CIZ1: variants seen among roughly 807,000 people sequenced by gnomAD.
The protein encoded by CIZ1 is cip1-interacting zinc finger protein.
In CIZ1, 58 loss-of-function variants were observed where a neutral mutation model predicts 118.6. The observed-to-expected ratio is 0.49, with a 90% CI of 0.40 to 0.61. The LOEUF (loss-of-function observed/expected upper bound fraction) is 0.61. CIZ1 is among the 20% of genes least tolerant of loss of function. The pLI is 0.00. For synonymous variants in CIZ1, 448 were observed against 443.4 expected (o/e 1.01, Z -0.13); for missense variants, 921 against 1,115.9 (o/e 0.83, Z 2.49).
intron 10 of CIZ1, 21 bp downstream of exon 10, chr9:128,177,545 C>T: frequency 1.5e-6 from 2 of 1,336,174 alleles, no homozygotes; most frequent in South Asian, 1.6e-5. Context: ...CCCTCCCCAC[C>T]CTTATCTCCT....
At chr9:128,171,797 T>C (rs1474492749) in intron 11 of CIZ1, among the ~76,000 whole-genome samples, 1 of 151,816 alleles carries the variant, frequency 6.6e-6, no homozygotes, top group Non-Finnish European at 1.5e-5. Context: ...AGCAACTATT[T>C]AATCTTGGGT....
At chr9:128,180,852 C>T (rs755369688) in intron 5 of CIZ1, 38 bp from the exon 6 acceptor site, 12 of 1,453,914 alleles carry the variant, frequency 8.3e-6, no homozygotes, top group African/African-American at 5.6e-5. Context: ...ATCCAATACC[C>T]ACCCCTATCA....
At chr9:128,176,953 G>A (rs1024128007) in intron 10 of CIZ1, among the ~76,000 whole-genome samples, 26 of 152,164 alleles carry the variant, frequency 1.7e-4, no homozygotes, top group Non-Finnish European at 3.5e-4. Context: ...TACCCAGGCT[G>A]GAGCACAGTG....
chr9:128,167,834 C>G (rs770377792), intron 14 of CIZ1, among the ~76,000 whole-genome samples: 2 of 152,220 alleles, frequency 1.3e-5, no homozygotes, highest in Admixed American at 1.3e-4. Flanking sequence ...CAACCACCCC[C>G]GTTTGCTAAG....
In CIZ1 at chr9:128,166,354, C is replaced by A; in HGVS notation, c.2540G>T (p.Arg847Leu). 6.4e-7 allele frequency: 1 copy of A among 1,561,506 alleles called. No homozygotes were observed. Among genetic ancestry groups the A allele is most frequent in the East Asian group, 2.4e-5 (1 of 41,976 alleles). Residue 847 changes from arginine (R) to leucine (L), a missense_variant, in exon 17 of 17, where the codon CGG (arginine) becomes CTG (leucine). Transcript: ENST00000372938. This position sits in a 1 kb window ranked among gnomAD's most constrained non-coding sequence, Gnocchi z 4.4. ...AGCGTTCCGGGCGTTGATTGCGCAC[C>A]GGCGGCTCACAGGTCGGGTGGTGGG... ...PSPTTRPVSRRCAINARNALT... is the reference protein window; with the variant it reads ...PSPTTRPVSRLCAINARNALT...
At chr9:128,190,495 C>G in intron 2 of CIZ1, 51 bp from the exon 3 acceptor site, 2 of 1,462,884 alleles carry the variant, frequency 1.4e-6, no homozygotes, top group Non-Finnish European at 1.9e-6. Context: ...TCAGACCTTC[C>G]TTCTTCCCCA....
At chr9:128,190,254 T>C (rs1832961203) in intron 3 of CIZ1, 75 bp downstream of exon 3, 5 of 1,031,200 alleles carry the variant, frequency 4.8e-6, no homozygotes, top group Admixed American at 2.0e-5. Flanking sequence ...CTGTGTGGAG[T>C]TGAGATTTAG....
chr9:128,194,503 A>C (rs1009269042), upstream of CIZ1, among the ~76,000 whole-genome samples: 2 of 151,660 alleles, frequency 1.3e-5, no homozygotes, highest in African/African-American at 4.8e-5. Context: ...ATATTTATAT[A>C]TTTTTTCTTT....
chr9:128,169,131 C>G lies in CIZ1; in HGVS notation c.2216G>C (p.Cys739Ser). 1 of 1,614,204 alleles carries G rather than the reference C, an allele frequency of 6.2e-7. No homozygotes were observed. Among genetic ancestry groups the G allele is most frequent in the South Asian group, 1.1e-5 (1 of 91,082 alleles). Reference protein sequence around the residue: ...DHFITVDAVGCFEGDEEEEED... With the variant: ...DHFITVDAVGSFEGDEEEEED... The stretch of plus-strand genomic sequence containing the variant: ...TTCCTCTTCTTCATCACCCTCGAAG[C>G]AACCCACAGCGTCCACTGTAATGAA... Residue 739 changes from cysteine (C) to serine (S), a missense_variant, in exon 14 of 17, where the codon TGC becomes TCC. By Grantham distance (112) the Cys-to-Ser change is moderately radical. Transcript: ENST00000372938.
intron 3 of CIZ1, 79 bp from the exon 4 acceptor site, chr9:128,188,013 C>CAAACA: frequency 7.6e-6 from 2 of 263,562 alleles, no homozygotes; most frequent in Non-Finnish European, 1.5e-5. Context: ...AAAACAATCT[C>CAAACA]AAACAACATA....
intron 11 of CIZ1, among the ~76,000 whole-genome samples, chr9:128,173,135 C>CTTTTTTTT (rs957423189): frequency 1.2e-5 from 1 of 80,790 alleles, no homozygotes; most frequent in Non-Finnish European, 2.4e-5. Flanking sequence ...TGGCTAATTT[C>CTTTTTTTT]TTTTTTTTTT....
intron 1 of CIZ1, among the ~76,000 whole-genome samples, chr9:128,201,105 A>G (rs921036592): frequency 2.0e-5 from 3 of 151,810 alleles, no homozygotes; most frequent in Non-Finnish European, 2.9e-5. Context: ...TATCTCTACT[A>G]AAAATACAAA....
At position 128,185,782 on chromosome 9, in the gene CIZ1, G is replaced by T; in HGVS notation, c.359-6C>A. 6.2e-7 allele frequency: 1 copy of T among 1,608,748 alleles called. No individual in the cohort carries two copies. The highest frequency in any genetic ancestry group is 8.5e-7 in the Non-Finnish European group (1 of 1,175,818). ...GCCATAGCCTCGGAGGTTACCTGCA[G>T]GCAAGAAGACAGGAGAAGAGGGGTC... On this transcript the variant is annotated splice_polypyrimidine_tract_variant and splice_region_variant and intron_variant, in intron 4 of 16. Coordinates refer to ENST00000372938, the MANE Select transcript of CIZ1 (RefSeq NM_001131016.2).
intron 1 of CIZ1, among the ~76,000 whole-genome samples, chr9:128,201,105 A>T (rs921036592): frequency 6.6e-6 from 1 of 151,810 alleles, no homozygotes; most frequent in African/African-American, 2.4e-5. Flanking sequence ...TATCTCTACT[A>T]AAAATACAAA....
rs576103193 is a variant in CIZ1, at chr9:128,173,878, C to T, written c.1943+2473G>A. Among the ~76,000 whole-genome samples the T allele has an allele frequency of 6.6e-5, 10 of 152,104 alleles. No individual in the cohort carries two copies. In the East Asian group the frequency reaches 7.8e-4, roughly 12 times the overall value. On this transcript the variant is annotated intron_variant, in intron 11 of 16. Coordinates refer to ENST00000372938, the MANE Select transcript of CIZ1 (RefSeq NM_001131016.2). ...AAAATTAGCCGGGCCTAGTGGTAGG[C>T]GCCTGTAGTCCCAGCTACTCGGGAG...
intron 8 of CIZ1, 88 bp downstream of exon 8, chr9:128,178,621 C>T: frequency 3.2e-6 from 5 of 1,578,786 alleles, no homozygotes; most frequent in Non-Finnish European, 4.3e-6. Flanking sequence ...AGCCCTCAGT[C>T]CCAGGCAGCA....
chr9:128,169,306 G>T (rs980217848), intron 13 of CIZ1, 100 bp downstream of exon 13: 29 of 876,426 alleles, frequency 3.3e-5, no homozygotes, highest in Non-Finnish European at 4.6e-5. Flanking sequence ...CTCCAGACCC[G>T]CTGTGAGTTT....
chr9:128,192,697 C>A (rs187603483), upstream of CIZ1, among the ~76,000 whole-genome samples: 141 of 152,280 alleles, frequency 9.3e-4, no homozygotes, highest in Non-Finnish European at 1.9e-3. Flanking sequence ...CGCGGGCCAC[C>A]ACGCCCGGCT....
chr9:128,191,457 C>A lies in CIZ1; in HGVS notation c.-31G>T. 2.0e-6 allele frequency: 2 copies of A among 983,266 alleles called. No individual in the cohort carries two copies. Among genetic ancestry groups the A allele is most frequent in the Non-Finnish European group, 2.4e-6 (2 of 825,910 alleles). 60.9% of individuals were successfully genotyped at this position (983,266 alleles called of 1,614,324 possible). On this transcript the variant is annotated 5_prime_UTR_variant, in exon 1 of 17. Coordinates refer to ENST00000372938, the MANE Select transcript of CIZ1 (RefSeq NM_001131016.2). The surrounding 1 kb of genome is among the most constrained non-coding windows in gnomAD (Gnocchi z 5.5). ...CTCGCCTCCCCGCGCGCCCTCAACG[C>A]TCAAGTCGCCCCCACGGATGGGCCG...
Sources: gnomAD v4.1 joint callset for allele counts (sites outside exome capture counted in the v4.1 genomes callset) on GRCh38, gnomAD v4.1.1 for gene constraint, Gnocchi (gnomAD v3.1) non-coding constraint, MANE v1.5 for transcripts, NCBI Gene and HGNC (gene_info 2026-07-23, HGNC 2026-07-21) for gene names.